FAM185A: variants seen among roughly 807,000 people sequenced by gnomAD.
FAM185A encodes the protein protein FAM185A.
Under a neutral mutation model 45.7 loss-of-function variants are expected in FAM185A, and 21 were observed. The observed-to-expected ratio is 0.46, with a 90% CI of 0.33 to 0.66. FAM185A has a LOEUF of 0.66. Among genes scored for constraint, FAM185A ranks in the 30% least tolerant of loss-of-function variants. The probability of loss-of-function intolerance (pLI) is 0.03; values close to 1 mark genes in which losing one functional copy is unlikely to be tolerated. For missense variants in FAM185A, 305 were observed against 485.4 expected, an observed-to-expected ratio of 0.63 and a Z score of 3.49; for synonymous variants, 117 against 194.0, an observed-to-expected ratio of 0.60 and a Z score of 3.30.
At chr7:102,837,355 T>G in the FAM185A span, among the ~76,000 whole-genome samples, 1 of 152,168 alleles carries the variant, frequency 6.6e-6, no homozygotes, top group Non-Finnish European at 1.5e-5. Context: ...TTTTAAAACA[T>G]GGAGAGAACT....
At chr7:102,793,051 T>G (rs1796228677) in intron 7 of FAM185A, among the ~76,000 whole-genome samples, 1 of 152,238 alleles carries the variant, frequency 6.6e-6, no homozygotes, top group Admixed American at 6.5e-5. Context: ...CACATGAATT[T>G]GTCAGCAATG....
the FAM185A span, chr7:102,822,566 T>C: frequency 2.4e-6 from 1 of 416,918 alleles, no homozygotes; most frequent in Non-Finnish European, 4.7e-6. Flanking sequence ...CCCCACTTTC[T>C]ATTACTGTCA....
the FAM185A span, among the ~76,000 whole-genome samples, chr7:102,838,479 G>A: frequency 6.6e-6 from 1 of 151,836 alleles, no homozygotes; most frequent in East Asian, 1.9e-4. Context: ...GAGACAGAGT[G>A]TCACTCTGTC....
intron 4 of FAM185A, among the ~76,000 whole-genome samples, chr7:102,763,598 G>A (rs1794223803): frequency 6.6e-6 from 1 of 152,192 alleles, no homozygotes; most frequent in Non-Finnish European, 1.5e-5. Flanking sequence ...GGAGCTGGAC[G>A]TTTATATCCC....
the FAM185A span, among the ~76,000 whole-genome samples, chr7:102,834,080 GGAAAGAAAA>G: frequency 1.1e-5 from 1 of 91,538 alleles, no homozygotes; most frequent in Non-Finnish European, 2.1e-5. Flanking sequence ...AAGGAAGGAA[GGAAAGAAAA>G]GAAAGAAAGA....
At chr7:102,821,142 C>G in the FAM185A span, among the ~76,000 whole-genome samples, 1 of 152,176 alleles carries the variant, frequency 6.6e-6, no homozygotes, top group African/African-American at 2.4e-5. Flanking sequence ...TTGGCAGAGA[C>G]TCCTAGGACC....
At chr7:102,784,089 A>G (rs1423511773) in intron 6 of FAM185A, among the ~76,000 whole-genome samples, 3 of 152,268 alleles carry the variant, frequency 2.0e-5, no homozygotes, top group Admixed American at 6.5e-5. Context: ...TCTAGAAGAA[A>G]TGGATAAATT....
chr7:102,830,059 C>T, the FAM185A span, among the ~76,000 whole-genome samples: 2 of 152,172 alleles, frequency 1.3e-5, no homozygotes, highest in Non-Finnish European at 2.9e-5. Flanking sequence ...CTTCCTTCTT[C>T]CTCTTTCTCC....
rs186431566 is a variant in FAM185A at position 102,766,494 on chromosome 7, C to T, written c.793+5083C>T. ...GAACTGTACAAAACACAGGTGATAA[C>T]TTTGATAGCACTCAAAATTTCAGAA... On this transcript the variant is annotated intron_variant, in intron 4 of 7. Transcript: ENST00000413034. 3.5e-3 allele frequency among the ~76,000 whole-genome samples: 533 copies of T among 152,290 alleles called. 1 individual carries two copies. The highest frequency in any genetic ancestry group is 0.016 in the Admixed American group (251 of 15,280).
At chr7:102,788,563 A>T (rs1373086192) in intron 7 of FAM185A, among the ~76,000 whole-genome samples, 1 of 152,244 alleles carries the variant, frequency 6.6e-6, no homozygotes, top group Non-Finnish European at 1.5e-5. Flanking sequence ...AATAAAAATA[A>T]TACCTATACA....
intron 7 of FAM185A, among the ~76,000 whole-genome samples, chr7:102,792,825 A>G (rs1215446352): frequency 3.3e-5 from 5 of 151,912 alleles, no homozygotes; most frequent in Non-Finnish European, 7.4e-5. Context: ...ACAGAGGGTA[A>G]TAACATACAA....
intron 7 of FAM185A, among the ~76,000 whole-genome samples, chr7:102,800,381 C>A (rs1796717191): frequency 6.6e-6 from 1 of 152,096 alleles, no homozygotes; most frequent in Non-Finnish European, 1.5e-5. Context: ...AGCAATGGAT[C>A]CAAACCAAGA....
intron 6 of FAM185A, chr7:102,779,832 G>A (rs1795291759): frequency 7.5e-6 from 1 of 133,852 alleles, no homozygotes; most frequent in African/African-American, 2.7e-5. Flanking sequence ...GACTACAGTT[G>A]TGCACCACCA....
At chr7:102,823,109 TATTTTC>T in the FAM185A span, among the ~76,000 whole-genome samples, 3 of 152,116 alleles carry the variant, frequency 2.0e-5, no homozygotes, top group Admixed American at 2.0e-4. Context: ...ATTTTGCTGT[TATTTTC>T]ATTTAAGAGT....
the FAM185A span, among the ~76,000 whole-genome samples, chr7:102,847,770 C>G: frequency 6.6e-6 from 1 of 151,994 alleles, no homozygotes; most frequent in African/African-American, 2.4e-5. Flanking sequence ...CTCAGGTAAC[C>G]CACCCACCTC....
intron 7 of FAM185A, among the ~76,000 whole-genome samples, chr7:102,798,639 A>AT (rs1459023811): frequency 6.6e-6 from 1 of 152,206 alleles, no homozygotes; most frequent in African/African-American, 2.4e-5. Context: ...TTGATGCTTT[A>AT]TTATTGGTGC....
In FAM185A at chr7:102,792,215, G is replaced by C. The variant is rs566741648; in HGVS notation, c.1066+4746G>C. ...GATTTCCTGCTCCATGGTTTCCTTT[G>C]CTATTGCTGTCACTGATAAATAACT... On this transcript the variant is annotated intron_variant, in intron 7 of 7. Coordinates refer to ENST00000413034, the MANE Select transcript of FAM185A (RefSeq NM_001145268.2). Among the ~76,000 whole-genome samples, 109 of 151,434 alleles carry C rather than the reference G, an allele frequency of 7.2e-4. 1 individual carries two copies. The highest frequency in any genetic ancestry group is 1.3e-3 in the Non-Finnish European group (87 of 67,940).
At chr7:102,777,995 G>T (rs1795171480) in intron 6 of FAM185A, among the ~76,000 whole-genome samples, 2 of 152,298 alleles carry the variant, frequency 1.3e-5, no homozygotes, top group East Asian at 3.9e-4. Context: ...AGTGGCTTGG[G>T]TGAAGTAGGT....
At chr7:102,816,020 T>A in the FAM185A span, among the ~76,000 whole-genome samples, 3 of 152,206 alleles carry the variant, frequency 2.0e-5, no homozygotes, top group African/African-American at 7.2e-5. Context: ...ATGAGCTGCA[T>A]GTTGAACCCC....
Sources: allele counts gnomAD v4.1 joint callset (sites outside exome capture counted in the v4.1 genomes callset), GRCh38; gene constraint gnomAD v4.1.1; transcripts MANE v1.5; gene names NCBI Gene and HGNC (gene_info 2026-07-23, HGNC 2026-07-21).